Variants in PLEKHA5 observed in about 807,000 individuals in gnomAD.
PLEKHA5 encodes pleckstrin homology domain-containing family A member 5.
PLEKHA5 carries 55 observed loss-of-function variants against 181.9 expected under a neutral mutation model. The ratio of observed to expected loss-of-function variants is 0.30; its 90% CI spans 0.24 to 0.38. The LOEUF (loss-of-function observed/expected upper bound fraction) is 0.38, where lower values mean the gene tolerates loss of function less well. PLEKHA5 is among the 10% of genes least tolerant of loss of function. The pLI, the probability that PLEKHA5 is intolerant of heterozygous loss-of-function variation, is 1.00. For missense variants in PLEKHA5, 1,432 were observed against 1,549.5 expected (o/e 0.92, Z 1.27); for synonymous variants, 535 against 529.4 (o/e 1.01, Z -0.15).
At chr12:19,374,979 A>AATG (rs1318702966) in intron 31 of PLEKHA5, among the ~76,000 whole-genome samples, 1 of 151,820 alleles carries the variant, frequency 6.6e-6, no homozygotes, top group African/African-American at 2.4e-5. Flanking sequence ...TAATAATAAT[A>AATG]ATGAAGAGAA....
chr12:19,253,178 G>A (rs1052086591), intron 3 of PLEKHA5, among the ~76,000 whole-genome samples: 5 of 143,038 alleles, frequency 3.5e-5, no homozygotes, highest in Non-Finnish European at 7.5e-5. Flanking sequence ...AGGTTCAAGC[G>A]ATTCTCCTGC....
At chr12:19,290,901 A>G in intron 14 of PLEKHA5, 105 bp downstream of exon 14, 1 of 972,670 alleles carries the variant, frequency 1.0e-6, no homozygotes, top group African/African-American at 1.6e-5. Context: ...ATGAGCCCAT[A>G]CCATCATTAT....
intron 22 of PLEKHA5, among the ~76,000 whole-genome samples, chr12:19,345,167 A>T (rs1159089960): frequency 6.6e-6 from 1 of 151,984 alleles, no homozygotes; most frequent in Non-Finnish European, 1.5e-5. Context: ...TGGGAGGCCA[A>T]GGCGGGCAGA....
At chr12:19,181,127 C>T (rs528508112) in intron 3 of PLEKHA5, among the ~76,000 whole-genome samples, 1 of 151,966 alleles carries the variant, frequency 6.6e-6, no homozygotes, top group East Asian at 1.9e-4. Flanking sequence ...TCACTATTTA[C>T]TTGAGATGAC....
chr12:19,174,926 T>C (rs910288409), intron 3 of PLEKHA5, among the ~76,000 whole-genome samples: 2 of 152,200 alleles, frequency 1.3e-5, no homozygotes, highest in Admixed American at 6.5e-5. Flanking sequence ...CAAAATTGTT[T>C]TGTAGTGAGA....
rs1368639333 is a variant in PLEKHA5 at position 19,314,840 on chromosome 12, C to T, written c.2064C>T (p.Thr688=). The T allele has an allele frequency of 1.9e-6, 3 of 1,546,398 alleles. No individual in the cohort carries two copies. The highest frequency in any genetic ancestry group is 2.6e-6 in the Non-Finnish European group (3 of 1,142,410). Residue 688 remains threonine (T), a synonymous_variant, in exon 16 of 32, where the codon ACC becomes ACT. Coordinates refer to ENST00000429027, the MANE Select transcript of PLEKHA5 (RefSeq NM_001256470.2). ...TGAAAGAAAATGAACCTATTATCACCATGGTTCACACAATGATTGAGAACT... is the reference window on the plus strand; with the variant it reads ...TGAAAGAAAATGAACCTATTATCACTATGGTTCACACAATGATTGAGAACT... ...HQMKENEPII[T]MVHTMIENSA...
chr12:19,205,545 G>A, intron 3 of PLEKHA5: 1 of 178,050 alleles, frequency 5.6e-6, no homozygotes, highest in Non-Finnish European at 1.1e-5. Context: ...GTACTGTGCT[G>A]AAGCTTTATG....
chr12:19,358,567 C>T (rs970296848), intron 27 of PLEKHA5, 130 bp downstream of exon 27: 1 of 618,398 alleles, frequency 1.6e-6, no homozygotes, highest in Non-Finnish European at 2.8e-6. Context: ...ATTTAATTCT[C>T]CTAATAATAA....
intron 3 of PLEKHA5, chr12:19,176,142 G>A (rs1054796246): frequency 4.0e-5 from 6 of 151,602 alleles, no homozygotes; most frequent in African/African-American, 1.5e-4. Context: ...AAGATACAAT[G>A]TTGTATAGCT....
intron 23 of PLEKHA5, among the ~76,000 whole-genome samples, chr12:19,346,475 T>C (rs1482964827): frequency 6.6e-6 from 1 of 151,642 alleles, no homozygotes; most frequent in Admixed American, 6.6e-5. Flanking sequence ...CCCCCATCTC[T>C]AGAAAACATT....
chr12:19,286,063 G>C (rs2077150264), intron 12 of PLEKHA5, among the ~76,000 whole-genome samples: 1 of 152,190 alleles, frequency 6.6e-6, no homozygotes, highest in South Asian at 2.1e-4. Flanking sequence ...AACAACGTTT[G>C]AGTTTTCAAG....
intron 30 of PLEKHA5, among the ~76,000 whole-genome samples, chr12:19,368,357 G>T (rs1388152737): frequency 2.6e-5 from 4 of 152,122 alleles, no homozygotes; most frequent in Non-Finnish European, 5.9e-5. Context: ...AAATTAGCCG[G>T]ATGGGATGGC....
chr12:19,334,292 C>CA (rs1239140356), intron 20 of PLEKHA5, among the ~76,000 whole-genome samples: 2 of 152,144 alleles, frequency 1.3e-5, no homozygotes, highest in Non-Finnish European at 2.9e-5. Flanking sequence ...TGGGCCAGTT[C>CA]AGTGGCAGGA....
intron 2 of PLEKHA5, among the ~76,000 whole-genome samples, chr12:19,132,135 T>G (rs1410867101): frequency 6.6e-6 from 1 of 152,142 alleles, no homozygotes; most frequent in Non-Finnish European, 1.5e-5. Context: ...AGAACATAGT[T>G]CCTCTCCACC....
chr12:19,187,137 T>C (rs1274443405), intron 3 of PLEKHA5, among the ~76,000 whole-genome samples: 1 of 152,202 alleles, frequency 6.6e-6, no homozygotes, highest in Non-Finnish European at 1.5e-5. Flanking sequence ...AGTTAACATA[T>C]GTGAGGTCTT....
intron 3 of PLEKHA5, chr12:19,176,205 C>T (rs2047175705): frequency 6.7e-6 from 1 of 150,340 alleles, no homozygotes; most frequent in South Asian, 2.1e-4. Context: ...CCCCCCCCAC[C>T]TTCCTCCCTC....
chr12:19,345,793 A>G, intron 22 of PLEKHA5, 49 bp from the exon 23 acceptor site: 2 of 847,516 alleles, frequency 2.4e-6, no homozygotes, highest in Non-Finnish European at 3.7e-6. Context: ...CTTTTTTTAT[A>G]GTATTAGAAA....
chr12:19,220,048 A>G (rs1467504076), intron 3 of PLEKHA5, among the ~76,000 whole-genome samples: 1 of 152,146 alleles, frequency 6.6e-6, no homozygotes, highest in African/African-American at 2.4e-5. Flanking sequence ...ATAGATGTTA[A>G]CCATACAATT....
At chr12:19,268,814 G>A (rs2071475784) in intron 8 of PLEKHA5, among the ~76,000 whole-genome samples, 1 of 152,170 alleles carries the variant, frequency 6.6e-6, no homozygotes, top group South Asian at 2.1e-4. Context: ...CACTCAGGGA[G>A]TCCAGTAACA....
Sources: gnomAD v4.1 joint callset for allele counts (sites outside exome capture counted in the v4.1 genomes callset) on GRCh38, gnomAD v4.1.1 for gene constraint, MANE v1.5 for transcripts, NCBI Gene and HGNC (gene_info 2026-07-23, HGNC 2026-07-21) for gene names.